The following FHIT variants were observed in gnomAD, a reference collection of about 807,000 sequenced individuals.
The protein encoded by FHIT is fragile histidine triad diadenosine triphosphatase.
A neutral mutation model predicts 17.9 loss-of-function variants in FHIT; 19 were observed. The observed-to-expected ratio is 1.06, with a 90% confidence interval of 0.74 to 1.56. The LOEUF is 1.56. Ranked by LOEUF, FHIT falls within the 40% of genes most tolerant of loss-of-function variation. FHIT has a pLI of 0.00. For missense variants in FHIT, 248 were observed against 189.2 expected (o/e 1.31, Z -1.82); for synonymous variants, 81 against 69.7 (o/e 1.16, Z -0.81).
chr3:60,453,625 C>A (rs899003166), intron 5 of FHIT, among the ~76,000 whole-genome samples: 3 of 152,142 alleles, frequency 2.0e-5, no homozygotes, highest in Non-Finnish European at 4.4e-5. Flanking sequence ...CTAGCCCTGA[C>A]TCTATGTAAG....
At chr3:60,174,726 A>T (rs1701588493) in intron 5 of FHIT, among the ~76,000 whole-genome samples, 1 of 152,150 alleles carries the variant, frequency 6.6e-6, no homozygotes, top group Non-Finnish European at 1.5e-5. Flanking sequence ...ATTAATATCA[A>T]TTCATAATAT....
rs59950717 is a variant in FHIT at position 60,890,221 on chromosome 3, T to TAAAAAAAAAAAAAA, written c.-110-68224_-110-68211dup. On this transcript the variant is annotated intron_variant, in intron 3 of 9. Transcript: ENST00000492590. ...TTCCAAAAAATTAGCTTCCATGATG[T>TAAAAAAAAAAAAAA]AAAAAAAAAAAAAAAAAAAAAAAAA... is the stretch of plus-strand genomic sequence containing the variant. 1.3e-3 allele frequency among the ~76,000 whole-genome samples: 146 copies of TAAAAAAAAAAAAAA among 115,600 alleles called. 4 individuals carry two copies. Among genetic ancestry groups the TAAAAAAAAAAAAAA allele is most frequent in the African/African-American group, 2.8e-3 (74 of 26,402 alleles). The allele number at this position is 115,600 out of a possible 152,430, so 75.8% of individuals were successfully genotyped here.
At chr3:61,123,912 G>A (rs531683729) in intron 2 of FHIT, among the ~76,000 whole-genome samples, 1 of 152,188 alleles carries the variant, frequency 6.6e-6, no homozygotes, top group African/African-American at 2.4e-5. Flanking sequence ...TTGAGCCCAG[G>A]AAAAGAAAAG....
At chr3:61,074,748 G>C (rs768203430) in intron 2 of FHIT, among the ~76,000 whole-genome samples, 2 of 152,108 alleles carry the variant, frequency 1.3e-5, no homozygotes, top group Non-Finnish European at 2.9e-5. Context: ...GGTGAGCCTT[G>C]ATCATAAATG....
chr3:60,919,851 T>A (rs1707188572), intron 3 of FHIT, among the ~76,000 whole-genome samples: 1 of 152,014 alleles, frequency 6.6e-6, no homozygotes, highest in South Asian at 2.1e-4. Flanking sequence ...CTGGCCAACA[T>A]GGTGAAACCC....
intron 5 of FHIT, among the ~76,000 whole-genome samples, chr3:60,155,472 C>G (rs1700644404): frequency 6.6e-6 from 1 of 152,138 alleles, no homozygotes; most frequent in Non-Finnish European, 1.5e-5. Context: ...TACTACCTGC[C>G]CAGTGTCCTT....
intron 2 of FHIT, among the ~76,000 whole-genome samples, chr3:61,106,463 C>A (rs955630115): frequency 2.0e-5 from 3 of 152,172 alleles, no homozygotes; most frequent in African/African-American, 7.2e-5. Context: ...TATTCCCCCA[C>A]CTCCTCCCAG....
intron 5 of FHIT, among the ~76,000 whole-genome samples, chr3:60,077,773 G>C (rs187435691): frequency 3.3e-4 from 48 of 145,530 alleles, no homozygotes; most frequent in African/African-American, 1.1e-3. Flanking sequence ...CATGTAGGAT[G>C]AACAAGTCTA....
intron 5 of FHIT, among the ~76,000 whole-genome samples, chr3:60,168,351 G>A (rs926965851): frequency 2.4e-4 from 36 of 152,174 alleles, no homozygotes; most frequent in Non-Finnish European, 2.1e-4. Flanking sequence ...TCTATTAACA[G>A]CGTCCATGAG....
At chr3:60,467,569 T>C (rs2032867771) in intron 5 of FHIT, among the ~76,000 whole-genome samples, 1 of 151,914 alleles carries the variant, frequency 6.6e-6, no homozygotes, top group Non-Finnish European at 1.5e-5. Flanking sequence ...CTTAATTTTT[T>C]CATTGACCCA....
chr3:60,466,340 T>C (rs1576704587), intron 5 of FHIT, among the ~76,000 whole-genome samples: 1 of 152,008 alleles, frequency 6.6e-6, no homozygotes, highest in East Asian at 1.9e-4. Context: ...CAAGGATAAT[T>C]TGACATCCAA....
At chr3:60,899,391 T>C (rs1209209422) in intron 3 of FHIT, among the ~76,000 whole-genome samples, 1 of 152,186 alleles carries the variant, frequency 6.6e-6, no homozygotes, top group African/African-American at 2.4e-5. Context: ...CTGCTATGAG[T>C]AATATAAAGT....
intron 2 of FHIT, among the ~76,000 whole-genome samples, chr3:61,141,594 A>G (rs1261975060): frequency 6.6e-6 from 1 of 151,846 alleles, no homozygotes. Flanking sequence ...CAGGACACAG[A>G]AACTATCTCT....
chr3:61,082,944 C>G (rs1408257128), intron 2 of FHIT, among the ~76,000 whole-genome samples: 1 of 152,124 alleles, frequency 6.6e-6, no homozygotes, highest in African/African-American at 2.4e-5. Flanking sequence ...TGGATGCATT[C>G]AGGGTGGTAT....
intron 7 of FHIT, among the ~76,000 whole-genome samples, chr3:59,973,534 T>G (rs1386773942): frequency 1.3e-5 from 2 of 152,088 alleles, no homozygotes; most frequent in Admixed American, 1.3e-4. Context: ...TCTCTTGTGG[T>G]CTTTCCAACT....
At chr3:61,195,430 G>A (rs1265565035) in intron 2 of FHIT, among the ~76,000 whole-genome samples, 1 of 152,160 alleles carries the variant, frequency 6.6e-6, no homozygotes, top group Non-Finnish European at 1.5e-5. Flanking sequence ...TATTGCTGAT[G>A]GTAGTGGTGG....
chr3:60,451,782 T>C (rs1031302427), intron 5 of FHIT, among the ~76,000 whole-genome samples: 1 of 152,110 alleles, frequency 6.6e-6, no homozygotes, highest in African/African-American at 2.4e-5. Context: ...ACCCCATAGG[T>C]AGCACTGGGA....
At chr3:59,990,192 A>G (rs1709164356) in intron 7 of FHIT, among the ~76,000 whole-genome samples, 2 of 152,088 alleles carry the variant, frequency 1.3e-5, no homozygotes, top group African/African-American at 4.8e-5. Flanking sequence ...ATGAGCGAGT[A>G]TCATCTCTGT....
intron 8 of FHIT, among the ~76,000 whole-genome samples, chr3:59,826,001 T>G (rs1700965273): frequency 6.6e-6 from 1 of 152,220 alleles, no homozygotes; most frequent in Non-Finnish European, 1.5e-5. Context: ...CAGCTGAAAC[T>G]CACTTTATTA....
Sources: allele counts gnomAD v4.1 joint callset (sites outside exome capture counted in the v4.1 genomes callset), GRCh38; gene constraint gnomAD v4.1.1; transcripts MANE v1.5; gene names NCBI Gene and HGNC (gene_info 2026-07-23, HGNC 2026-07-21).